CCDC138: variants seen among roughly 807,000 people sequenced by gnomAD.
CCDC138 encodes coiled-coil domain containing 138, also known as coiled-coil domain-containing protein 138.
CCDC138 carries 66 observed loss-of-function variants against 82.3 expected under a neutral mutation model. That is an observed-to-expected ratio of 0.80 (90% CI 0.66 to 0.98). The LOEUF is 0.98. Among genes scored for constraint, CCDC138 ranks in the 50% least tolerant of loss-of-function variants. The pLI is 0.00. For synonymous variants in CCDC138, 297 were observed against 265.4 expected (o/e 1.12, Z -1.16); for missense variants, 816 against 758.9 (o/e 1.08, Z -0.88).
chr2:108,838,097 G>C (rs1003273582), intron 10 of CCDC138, among the ~76,000 whole-genome samples: 2 of 152,008 alleles, frequency 1.3e-5, no homozygotes, highest in East Asian at 3.9e-4. Flanking sequence ...AGCTCTAGGG[G>C]TGGTCCCTAG....
chr2:108,811,068 A>G (rs996613456), intron 7 of CCDC138, among the ~76,000 whole-genome samples: 1 of 147,334 alleles, frequency 6.8e-6, no homozygotes. Flanking sequence ...TTCCGATTTT[A>G]TCTGTTTGGG....
At chr2:108,816,899 A>G (rs1330331476) in intron 10 of CCDC138, among the ~76,000 whole-genome samples, 2 of 152,136 alleles carry the variant, frequency 1.3e-5, no homozygotes, top group Admixed American at 1.3e-4. Flanking sequence ...ACCTGGCTTC[A>G]TTGCACAGAA....
intron 10 of CCDC138, among the ~76,000 whole-genome samples, chr2:108,833,286 A>C (rs1290594603): frequency 1.3e-5 from 2 of 152,266 alleles, no homozygotes; most frequent in Non-Finnish European, 2.9e-5. Flanking sequence ...AACTGTAACA[A>C]ATGTACCACA....
intron 10 of CCDC138, among the ~76,000 whole-genome samples, chr2:108,829,124 A>G (rs1297313604): frequency 1.3e-5 from 2 of 152,226 alleles, no homozygotes; most frequent in Non-Finnish European, 2.9e-5. Flanking sequence ...AGCACAAGCA[A>G]TAAAAGCAAA....
In CCDC138 at chr2:108,809,448, TTGTGTGTGTGTGTG is replaced by T. The variant is rs56122981; in HGVS notation, c.856-3156_856-3143del. Reference sequence around the variant, plus strand: ...TGTTCCAGTCCATGAACATGAAATGTTGTGTGTGTGTGTGTGTGTGTGTGTGTGTGTGTGTGTGT... The same window carrying T: ...TGTTCCAGTCCATGAACATGAAATGTTGTGTGTGTGTGTGTGTGTGTGTGT... On this transcript the variant is annotated intron_variant, in intron 7 of 14. Coordinates refer to ENST00000295124, the MANE Select transcript of CCDC138 (RefSeq NM_144978.3). 8.5e-5 allele frequency among the ~76,000 whole-genome samples: 12 copies of T among 141,226 alleles called. No individual in the cohort carries two copies. The East Asian group carries it at 1.0e-3, about 12-fold the overall frequency. 92.6% of individuals were successfully genotyped at this position (141,226 alleles called of 152,430 possible).
At chr2:108,831,821 C>T (rs1227774029) in intron 10 of CCDC138, among the ~76,000 whole-genome samples, 2 of 152,046 alleles carry the variant, frequency 1.3e-5, no homozygotes, top group Admixed American at 6.6e-5. Flanking sequence ...CAACTACTGC[C>T]TCCTGGGTTC....
intron 9 of CCDC138, among the ~76,000 whole-genome samples, chr2:108,813,188 G>A (rs8179656): frequency 0.64 from 93,329 of 145,270 alleles, 32,915 homozygotes; most frequent in East Asian, 0.9. Flanking sequence ...GGCGGAGGTT[G>A]CAGTGAGCCG....
At chr2:108,833,350 G>A (rs1299287505) in intron 10 of CCDC138, among the ~76,000 whole-genome samples, 1 of 152,166 alleles carries the variant, frequency 6.6e-6, no homozygotes, top group African/African-American at 2.4e-5. Context: ...AGGACATGGG[G>A]CATGTAAACA....
At chr2:108,818,298 C>T (rs1685120825) in intron 10 of CCDC138, among the ~76,000 whole-genome samples, 1 of 152,048 alleles carries the variant, frequency 6.6e-6, no homozygotes, top group South Asian at 2.1e-4. Flanking sequence ...CAGAGTGAGA[C>T]CCTGTCTGAA....
intron 3 of CCDC138, among the ~76,000 whole-genome samples, chr2:108,790,850 C>CA (rs1316446007): frequency 1.3e-5 from 2 of 152,146 alleles, no homozygotes; most frequent in Non-Finnish European, 2.9e-5. Flanking sequence ...CTCCTGGGCT[C>CA]AAACGATCCT....
downstream of CCDC138, among the ~76,000 whole-genome samples, chr2:108,878,899 A>G (rs1696197175): frequency 6.6e-6 from 1 of 152,250 alleles, no homozygotes; most frequent in South Asian, 2.1e-4. Flanking sequence ...AACTATTAAA[A>G]ATAGCATAAA....
At chr2:108,808,205 T>C (rs763095634) in intron 7 of CCDC138, among the ~76,000 whole-genome samples, 1 of 152,124 alleles carries the variant, frequency 6.6e-6, no homozygotes, top group Non-Finnish European at 1.5e-5. Flanking sequence ...ATAAAGAAAA[T>C]GTGGTTATAA....
chr2:108,797,357 A>G (rs1573942789), intron 5 of CCDC138, among the ~76,000 whole-genome samples: 1 of 152,366 alleles, frequency 6.6e-6, no homozygotes, highest in East Asian at 1.9e-4. Context: ...AAGAGACGGC[A>G]GTATAAAATG....
chr2:108,882,119 A>T (rs181041043), intron 1 of CCDC138: 53 of 152,004 alleles, frequency 3.5e-4, no homozygotes, highest in Non-Finnish European at 5.9e-4. Flanking sequence ...ACACCAATGC[A>T]CTCCGGTCTG....
At chr2:108,807,765 C>T (rs1683116273) in intron 7 of CCDC138, among the ~76,000 whole-genome samples, 1 of 152,004 alleles carries the variant, frequency 6.6e-6, no homozygotes, top group Admixed American at 6.5e-5. Context: ...TTACAGGCGC[C>T]CACCACCACA....
intron 3 of CCDC138, 105 bp downstream of exon 3, chr2:108,789,071 T>C (rs1679466235): frequency 8.7e-7 from 1 of 1,145,212 alleles, no homozygotes; most frequent in Non-Finnish European, 1.3e-6. Context: ...AGGACAAGTA[T>C]GAGGACAAGT....
intron 11 of CCDC138, among the ~76,000 whole-genome samples, chr2:108,843,823 T>C (rs902628002): frequency 3.3e-5 from 5 of 150,472 alleles, no homozygotes; most frequent in African/African-American, 1.2e-4. Flanking sequence ...TTTTCAGTCA[T>C]TATTTCTTCA....
chr2:108,867,635 G>GA (rs1694622130), intron 13 of CCDC138, among the ~76,000 whole-genome samples: 1 of 151,690 alleles, frequency 6.6e-6, no homozygotes, highest in Non-Finnish European at 1.5e-5. Context: ...GGGTGGACTT[G>GA]AAAAAAAATA....
chr2:108,872,734 C>G (rs1695474215), intron 13 of CCDC138, among the ~76,000 whole-genome samples: 1 of 152,240 alleles, frequency 6.6e-6, no homozygotes, highest in South Asian at 2.1e-4. Flanking sequence ...TCTTAAAGGT[C>G]CCCACTCTTA....
Sources: allele counts gnomAD v4.1 joint callset (sites outside exome capture counted in the v4.1 genomes callset), GRCh38; gene constraint gnomAD v4.1.1; transcripts MANE v1.5; gene names NCBI Gene and HGNC (gene_info 2026-07-23, HGNC 2026-07-21).